SYNE2: variants seen among roughly 807,000 people sequenced by gnomAD.
The protein encoded by SYNE2 is nesprin-2.
In SYNE2, 431 loss-of-function variants were observed where a neutral mutation model predicts 856.3. The observed-to-expected ratio is 0.50, with a 90% CI of 0.47 to 0.55. The LOEUF is 0.55. Ranked by LOEUF, SYNE2 falls within the 20% of genes least tolerant of loss-of-function variation. The pLI is 0.00. For missense variants in SYNE2, 8,129 were observed against 8,023.2 expected (o/e 1.01, Z -0.50); for synonymous variants, 2,923 against 2,872.3 (o/e 1.02, Z -0.56).
At chr14:64,109,231 C>T (rs937548142) in intron 65 of SYNE2, among the ~76,000 whole-genome samples, 2 of 150,820 alleles carry the variant, frequency 1.3e-5, no homozygotes, top group Non-Finnish European at 1.5e-5. Flanking sequence ...TGGATAACCT[C>T]TAGGGTCTTT....
rs538619812 is a variant in SYNE2, at chr14:64,114,204, C to A, written c.12840+633C>A. Among the ~76,000 whole-genome samples, 4 of 152,268 alleles carry A rather than the reference C, an allele frequency of 2.6e-5. No homozygotes were observed. In the East Asian group the frequency reaches 7.7e-4, roughly 29 times the overall value. ...ATATAAACTTCCTTGCCGCTAGTCG[C>A]TCTGAGTAAAGCTTGCCGGCTCAGC... On this transcript the variant is annotated intron_variant, in intron 66 of 115. Coordinates refer to ENST00000555002, the MANE Select transcript of SYNE2 (RefSeq NM_182914.3).
chr14:63,908,789 C>T (rs1566773191), intron 1 of SYNE2, among the ~76,000 whole-genome samples: 1 of 152,156 alleles, frequency 6.6e-6, no homozygotes, highest in Non-Finnish European at 1.5e-5. Context: ...TTTCCTTCCT[C>T]TAGACAAGTT....
chr14:64,048,463 A>C, intron 46 of SYNE2: 1 of 214,468 alleles, frequency 4.7e-6, no homozygotes, highest in South Asian at 9.8e-5. Context: ...TATTCTTCTG[A>C]TTCTGACAAA....
At chr14:64,029,648 G>A (rs2097015040) in intron 43 of SYNE2, among the ~76,000 whole-genome samples, 1 of 138,528 alleles carries the variant, frequency 7.2e-6, no homozygotes, top group African/African-American at 2.6e-5. Context: ...TCTTCATGAA[G>A]GGGAAATGAA....
intron 114 of SYNE2, 31 bp downstream of exon 114, chr14:64,224,578 C>T: frequency 6.2e-7 from 1 of 1,612,256 alleles, no homozygotes; most frequent in Non-Finnish European, 8.5e-7. Flanking sequence ...GTGAGAACCT[C>T]ACTGGTTATT....
chr14:64,044,380 C>T (rs1158759887), intron 45 of SYNE2, among the ~76,000 whole-genome samples: 3 of 152,176 alleles, frequency 2.0e-5, no homozygotes, highest in African/African-American at 4.8e-5. Context: ...TAAGAAGTAA[C>T]TAGCTTGCTT....
intron 1 of SYNE2, among the ~76,000 whole-genome samples, chr14:63,791,472 C>T (rs1036433995): frequency 6.6e-6 from 1 of 152,136 alleles, no homozygotes; most frequent in African/African-American, 2.4e-5. Context: ...TTCCCTATTA[C>T]ATTTTATGCC....
chr14:63,933,231 T>A (rs1040395148), intron 2 of SYNE2, among the ~76,000 whole-genome samples: 3 of 152,192 alleles, frequency 2.0e-5, no homozygotes, highest in Admixed American at 6.5e-5. Flanking sequence ...TGAAAGCTAG[T>A]GATTCTTAGC....
chr14:63,996,210 A>T (rs903228782), intron 23 of SYNE2, among the ~76,000 whole-genome samples: 1 of 151,548 alleles, frequency 6.6e-6, no homozygotes, highest in African/African-American at 2.4e-5. Context: ...CTTCCTTTCC[A>T]CTCAGCCTTA....
intron 7 of SYNE2, 69 bp downstream of exon 7, chr14:63,950,075 C>G: frequency 6.7e-7 from 1 of 1,485,760 alleles, no homozygotes; most frequent in Admixed American, 1.7e-5. Context: ...CCTCACCACC[C>G]AAACACCTCC....
At chr14:63,925,903 G>T (rs1306371582) in intron 2 of SYNE2, among the ~76,000 whole-genome samples, 1 of 151,922 alleles carries the variant, frequency 6.6e-6, no homozygotes, top group Non-Finnish European at 1.5e-5. Flanking sequence ...ACCCAGGCTG[G>T]AGTGCAGTGA....
intron 96 of SYNE2, 95 bp from the exon 97 acceptor site, chr14:64,186,329 C>A: frequency 6.5e-7 from 1 of 1,528,358 alleles, no homozygotes; most frequent in Non-Finnish European, 9.1e-7. Context: ...GGCCTCCCCT[C>A]CCCCAGAGTC....
chr14:64,222,228 A>G (rs1305421385), intron 112 of SYNE2, among the ~76,000 whole-genome samples: 1 of 152,234 alleles, frequency 6.6e-6, no homozygotes, highest in African/African-American at 2.4e-5. Flanking sequence ...TTAAATTTTA[A>G]TCAGAGTGCT....
chr14:64,139,564 A>G (rs1324065433), intron 79 of SYNE2, among the ~76,000 whole-genome samples: 1 of 151,930 alleles, frequency 6.6e-6, no homozygotes, highest in East Asian at 1.9e-4. Flanking sequence ...GGCGCCTGCC[A>G]CCATGCCTGG....
chr14:64,056,131 A>G lies in SYNE2; in HGVS notation c.9932A>G (p.Gln3311Arg). Residue 3311 changes from glutamine (Q) to arginine (R), a missense_variant, in exon 49 of 116, where the codon CAG (glutamine) becomes CGG (arginine). Transcript: ENST00000555002. ...EELESTVAHI[Q>R]DLTEKLGMIS... is the part of the protein sequence containing the mutation. ...TTGGAATCCACAGTAGCACACATCC[A>G]GGACCTCACTGAGAAACTGGGAATG... is the stretch of plus-strand genomic sequence containing the variant. 2 of 1,614,178 alleles carry G rather than the reference A, an allele frequency of 1.2e-6. No homozygotes were observed. The highest frequency in any genetic ancestry group is 1.1e-5 in the South Asian group (1 of 91,078).
intron 45 of SYNE2, among the ~76,000 whole-genome samples, chr14:64,037,644 G>T (rs949996472): frequency 0.013 from 1,929 of 150,738 alleles, 19 homozygotes; most frequent in Non-Finnish European, 0.018. Flanking sequence ...ATGAGCTGTT[G>T]GGTACACCTC....
At position 64,031,367 on chromosome 14, in the gene SYNE2, T is replaced by A. The variant is rs777709666; in HGVS notation, c.7221+10T>A. On this transcript the variant is annotated intron_variant, in intron 45 of 115. Coordinates refer to ENST00000555002, the MANE Select transcript of SYNE2 (RefSeq NM_182914.3). ...CTGGGAAATAAACAAGGTAAGTGCTTGTGATTGCACTTTCAAGACAGTGAG... is the reference window on the plus strand; with the variant it reads ...CTGGGAAATAAACAAGGTAAGTGCTAGTGATTGCACTTTCAAGACAGTGAG... 1 of 1,610,110 alleles carries A rather than the reference T, an allele frequency of 6.2e-7. No homozygotes were observed. The highest frequency in any genetic ancestry group is 1.1e-5 in the South Asian group (1 of 91,000).
intron 1 of SYNE2, among the ~76,000 whole-genome samples, chr14:63,780,465 T>C (rs1218619238): frequency 6.6e-6 from 1 of 151,568 alleles, no homozygotes; most frequent in African/African-American, 2.4e-5. Flanking sequence ...ACCAGGGAGG[T>C]AGAGGTTGTG....
intron 84 of SYNE2, among the ~76,000 whole-genome samples, chr14:64,146,808 G>C (rs1380814542): frequency 2.0e-5 from 3 of 152,200 alleles, no homozygotes; most frequent in Non-Finnish European, 2.9e-5. Flanking sequence ...GAGGACCTCT[G>C]CCATCGCCAT....
Sources: gnomAD v4.1 joint callset for allele counts (sites outside exome capture counted in the v4.1 genomes callset) on GRCh38, gnomAD v4.1.1 for gene constraint, MANE v1.5 for transcripts, NCBI Gene and HGNC (gene_info 2026-07-23, HGNC 2026-07-21) for gene names.